SLC20A2: variants seen among roughly 807,000 people sequenced by gnomAD.
The protein encoded by SLC20A2 is solute carrier family 20 member 2, also known as sodium-dependent phosphate transporter 2.
A neutral mutation model predicts 61.0 loss-of-function variants in SLC20A2; 30 were observed. The ratio of observed to expected loss-of-function variants is 0.49; its 90% CI spans 0.37 to 0.67. The LOEUF (loss-of-function observed/expected upper bound fraction) is 0.67, where lower values mean the gene tolerates loss of function less well. Among genes scored for constraint, SLC20A2 ranks in the 30% least tolerant of loss-of-function variants. The probability of loss-of-function intolerance (pLI) is 0.00; values close to 1 mark genes in which losing one functional copy is unlikely to be tolerated. For synonymous variants in SLC20A2, 351 were observed against 353.3 expected (o/e 0.99, Z 0.07); for missense variants, 626 against 866.4 (o/e 0.72, Z 3.48).
At chr8:42,488,461 TACAGGCGTGAGCCA>T (rs1489912529) in intron 1 of SLC20A2, among the ~76,000 whole-genome samples, 2 of 152,118 alleles carry the variant, frequency 1.3e-5, no homozygotes, top group Non-Finnish European at 2.9e-5. Flanking sequence ...GTGCTGAGAT[TACAGGCGTGAGCCA>T]CTGCACCTGG....
At chr8:42,491,448 T>C (rs1809504869) in intron 1 of SLC20A2, among the ~76,000 whole-genome samples, 1 of 150,520 alleles carries the variant, frequency 6.6e-6, no homozygotes, top group Non-Finnish European at 1.5e-5. Context: ...TAGATTGCAG[T>C]GAGCCAAGAT....
At chr8:42,448,782 A>T (rs1345234418) in intron 5 of SLC20A2, among the ~76,000 whole-genome samples, 1 of 152,164 alleles carries the variant, frequency 6.6e-6, no homozygotes, top group East Asian at 1.9e-4. Context: ...TGTTCACAGT[A>T]GGTGAGAGGG....
Position 42,437,118 on chromosome 8 carries a change from T to C in SLC20A2, c.1394A>G (p.Gln465Arg). The C allele has an allele frequency of 6.2e-7, 1 of 1,613,968 alleles. No individual in the cohort carries two copies. The highest frequency in any genetic ancestry group is 1.7e-5 in the Admixed American group (1 of 60,032). Reference protein sequence around the residue: ...KLASELADPDQPREDPAEEEK... With the variant: ...KLASELADPDRPREDPAEEEK... ...CTCCTCTGCAGGGTCCTCTCGCGGC[T>C]GGTCAGGGTCGGCCAGCTCCGACGC... Residue 465 changes from glutamine to arginine, a missense_variant, in exon 8 of 11, where the codon CAG (glutamine) becomes CGG (arginine). Physicochemically the swap from Gln to Arg is conservative, Grantham distance 43 (BLOSUM62 1). Around this residue, in one of 3 missense-constraint regions of SLC20A2, gnomAD observed 361 missense variants for 422.3 expected, o/e 0.85. Transcript: ENST00000520262. The surrounding 1 kb of genome is among the most constrained non-coding windows in gnomAD (Gnocchi z 6.4).
At position 42,439,450 on chromosome 8, in the gene SLC20A2, C is replaced by T. The variant is rs747553037; in HGVS notation, c.934G>A (p.Gly312Arg). 3 of 1,612,968 alleles carry T rather than the reference C, an allele frequency of 1.9e-6. No homozygotes were observed. Among genetic ancestry groups the T allele is most frequent in the Admixed American group, 1.7e-5 (1 of 59,998 alleles). Residue 312 changes from glycine (G) to arginine (R), a missense_variant and splice_region_variant, in exon 7 of 11, where the codon GGA becomes AGA. Transcript: ENST00000520262. ...CCCAAGCTCTCCAGGCACATCTTACCGTATGCAGCCCGAGGGTGGCTGCCC... is the reference window on the plus strand; with the variant it reads ...CCCAAGCTCTCCAGGCACATCTTACTGTATGCAGCCCGAGGGTGGCTGCCC... ...SAGSHPRAAY[G>R]RALSMTHGSV...
intron 5 of SLC20A2, among the ~76,000 whole-genome samples, chr8:42,448,393 C>T (rs995646832): frequency 2.0e-5 from 3 of 152,108 alleles, no homozygotes; most frequent in South Asian, 2.1e-4. Flanking sequence ...GAGCAGGGCC[C>T]GAAAGAGAAG....
chr8:42,509,259 T>C (rs1356029666), intron 1 of SLC20A2, among the ~76,000 whole-genome samples: 1 of 152,236 alleles, frequency 6.6e-6, no homozygotes, highest in Non-Finnish European at 1.5e-5. Flanking sequence ...ACTTAAATGT[T>C]TCCCTTCCTC....
At chr8:42,444,317 T>C (rs1271995834) in intron 6 of SLC20A2, among the ~76,000 whole-genome samples, 1 of 152,210 alleles carries the variant, frequency 6.6e-6, no homozygotes, top group Admixed American at 6.5e-5. Context: ...TCTTAGCCAT[T>C]CTTGTGAGTG....
intron 2 of SLC20A2, among the ~76,000 whole-genome samples, chr8:42,469,569 A>T (rs976262192): frequency 6.6e-6 from 1 of 152,176 alleles, no homozygotes; most frequent in Non-Finnish European, 1.5e-5. Flanking sequence ...CTTCCCTAAC[A>T]AATTTCTTTA....
At chr8:42,429,067 G>GT (rs1563442800) in intron 9 of SLC20A2, among the ~76,000 whole-genome samples, 1 of 152,148 alleles carries the variant, frequency 6.6e-6, no homozygotes, top group East Asian at 1.9e-4. Context: ...CTTCTGATAC[G>GT]TTTTCAAAGA....
intron 1 of SLC20A2, among the ~76,000 whole-genome samples, chr8:42,539,112 G>C (rs1298609379): frequency 6.6e-6 from 1 of 152,152 alleles, no homozygotes; most frequent in Non-Finnish European, 1.5e-5. Flanking sequence ...TCCCCAAAGA[G>C]AAAATGCCTT....
intron 1 of SLC20A2, among the ~76,000 whole-genome samples, chr8:42,499,271 G>C (rs1164329187): frequency 2.6e-5 from 4 of 152,140 alleles, no homozygotes; most frequent in African/African-American, 9.7e-5. Context: ...TGTCGCCCAA[G>C]GTCATAACCA....
At position 42,472,052 on chromosome 8, in the gene SLC20A2, A is replaced by G; in HGVS notation, c.289+50T>C. 6.5e-7 allele frequency: 1 copy of G among 1,544,838 alleles called. No homozygotes were observed. Among genetic ancestry groups the G allele is most frequent in the East Asian group, 2.3e-5 (1 of 44,368 alleles). ...GGATATGGGCAAAGTACTGCAGGGAAGCGGGTCAGTGGGCGGATGTCCCAT... is the reference window on the plus strand; with the variant it reads ...GGATATGGGCAAAGTACTGCAGGGAGGCGGGTCAGTGGGCGGATGTCCCAT... On this transcript the variant is annotated intron_variant, in intron 2 of 10. Coordinates refer to ENST00000520262, the MANE Select transcript of SLC20A2 (RefSeq NM_001257180.2). This position sits in a 1 kb window ranked among gnomAD's most constrained non-coding sequence, Gnocchi z 4.1.
chr8:42,436,495 CCT>C (rs1804267785), intron 8 of SLC20A2, among the ~76,000 whole-genome samples: 1 of 152,116 alleles, frequency 6.6e-6, no homozygotes, highest in Non-Finnish European at 1.5e-5. Flanking sequence ...TCAAACGTGC[CCT>C]GTGTGGCCCC....
intron 1 of SLC20A2, among the ~76,000 whole-genome samples, chr8:42,531,588 A>G (rs184826365): frequency 1.3e-5 from 2 of 152,320 alleles, no homozygotes; most frequent in African/African-American, 4.8e-5. Flanking sequence ...TCAACAGCAT[A>G]ATACAAAGTT....
chr8:42,444,537 G>A, intron 6 of SLC20A2, 109 bp downstream of exon 6: 3 of 819,590 alleles, frequency 3.7e-6, no homozygotes, highest in Non-Finnish European at 6.2e-6. Context: ...ATGTTCTGGA[G>A]TCACCCACAC....
At position 42,472,129 on chromosome 8, in the gene SLC20A2, T is replaced by C. The variant is rs1277173063; in HGVS notation, c.262A>G (p.Met88Val). ...NLYNETVETL[M>V]AGEVSAMVGS... ...ACCATGGCACTAACTTCCCCAGCCA[T>C]GAGAGTCTCCACCGTCTCGTTGTAC... is the stretch of plus-strand genomic sequence containing the variant. Residue 88 changes from methionine to valine, a missense_variant, in exon 2 of 11, where the codon ATG becomes GTG. Coordinates refer to ENST00000520262, the MANE Select transcript of SLC20A2 (RefSeq NM_001257180.2). This position sits in a 1 kb window ranked among gnomAD's most constrained non-coding sequence, Gnocchi z 4.1. The C allele has an allele frequency of 6.2e-7, 1 of 1,613,428 alleles. No homozygotes were observed. The highest frequency in any genetic ancestry group is 8.5e-7 in the Non-Finnish European group (1 of 1,180,006).
chr8:42,456,738 A>G (rs1806234070), intron 5 of SLC20A2, among the ~76,000 whole-genome samples: 1 of 150,746 alleles, frequency 6.6e-6, no homozygotes, highest in African/African-American at 2.4e-5. Context: ...TCTCAAAAAA[A>G]AAAAAAAAAA....
intron 1 of SLC20A2, among the ~76,000 whole-genome samples, chr8:42,520,658 G>A (rs1361738261): frequency 1.7e-5 from 2 of 116,698 alleles, no homozygotes; most frequent in Non-Finnish European, 2.1e-5. Context: ...CCCGGGAGGC[G>A]GAGCTTGCAG....
chr8:42,500,721 A>C (rs933620255), intron 1 of SLC20A2, among the ~76,000 whole-genome samples: 3 of 152,260 alleles, frequency 2.0e-5, no homozygotes, highest in African/African-American at 7.2e-5. Context: ...ACACAATACA[A>C]TGTTTCTGTA....
Sources: gnomAD v4.1 joint callset for allele counts (sites outside exome capture counted in the v4.1 genomes callset) on GRCh38, gnomAD v4.1.1 for gene constraint, gnomAD v4.1.1 regional missense constraint, Gnocchi (gnomAD v3.1) non-coding constraint, MANE v1.5 for transcripts, NCBI Gene and HGNC (gene_info 2026-07-23, HGNC 2026-07-21) for gene names.